EXOC1: variants seen among roughly 807,000 people sequenced by gnomAD.
The protein encoded by EXOC1 is SEC3-like 1.
EXOC1 carries 67 observed loss-of-function variants against 107.7 expected under a neutral mutation model. That is an observed-to-expected ratio of 0.62 (90% CI 0.51 to 0.76). The LOEUF (loss-of-function observed/expected upper bound fraction) is 0.76, where lower values mean the gene tolerates loss of function less well. Ranked by LOEUF, EXOC1 falls within the 30% of genes least tolerant of loss-of-function variation. The pLI, the probability that EXOC1 is intolerant of heterozygous loss-of-function variation, is 0.00. For missense variants in EXOC1, 833 were observed against 1,055.7 expected (o/e 0.79, Z 2.92); for synonymous variants, 348 against 353.5 (o/e 0.98, Z 0.17).
At chr4:55,903,282 T>TA (rs1470248122) in intron 18 of EXOC1, among the ~76,000 whole-genome samples, 12 of 152,016 alleles carry the variant, frequency 7.9e-5, no homozygotes, top group African/African-American at 2.7e-4. Context: ...AAGTCCAAAT[T>TA]AGGCCATTAT....
intron 16 of EXOC1, among the ~76,000 whole-genome samples, chr4:55,897,251 C>G (rs1250289821): frequency 6.6e-6 from 1 of 151,756 alleles, no homozygotes; most frequent in Non-Finnish European, 1.5e-5. Flanking sequence ...CTCACCCTCC[C>G]AAGTAGCTGG....
chr4:55,895,359 A>G (rs1249191226), intron 15 of EXOC1, among the ~76,000 whole-genome samples: 2 of 152,214 alleles, frequency 1.3e-5, no homozygotes, highest in East Asian at 1.9e-4. Flanking sequence ...GTTAAAAAAT[A>G]TGGATCTTGT....
chr4:55,877,485 A>G, intron 8 of EXOC1: 1 of 985,032 alleles, frequency 1.0e-6, no homozygotes, highest in Non-Finnish European at 1.2e-6. Flanking sequence ...TGTTGTTTTA[A>G]ATATTACAAA....
rs144392531 is a variant in EXOC1 at position 55,871,740 on chromosome 4, C to T, written c.965-109C>T. The T allele has an allele frequency of 1.8e-4, 149 of 833,692 alleles. No individual in the cohort carries two copies. The East Asian group carries it at 2.4e-3, about 13-fold the overall frequency. 51.6% of individuals were successfully genotyped at this position (833,692 alleles called of 1,614,324 possible). Reference sequence around the variant, plus strand: ...CTTTTATCATGTAAATGAATACACCCATAAAACTTTTGGGTTCTTCAAAAC... The same window carrying T: ...CTTTTATCATGTAAATGAATACACCTATAAAACTTTTGGGTTCTTCAAAAC... On this transcript the variant is annotated intron_variant, in intron 7 of 18. Coordinates refer to ENST00000381295, the MANE Select transcript of EXOC1 (RefSeq NM_001024924.2).
At chr4:55,857,178 T>TC (rs1721066125) in intron 1 of EXOC1, among the ~76,000 whole-genome samples, 1 of 115,036 alleles carries the variant, frequency 8.7e-6, no homozygotes, top group African/African-American at 3.6e-5. Context: ...CTTTTTTTTT[T>TC]TTTTTTTTTT....
At position 55,876,760 on chromosome 4, in the gene EXOC1, T is replaced by C. The variant is rs112678445; in HGVS notation, c.1075-1157T>C. Reference sequence around the variant, plus strand: ...ATATCAGTAAGATGAATCTGAGAAGTGTATTGGTTGTTTTCTACCATTTTA... The same window carrying C: ...ATATCAGTAAGATGAATCTGAGAAGCGTATTGGTTGTTTTCTACCATTTTA... On this transcript the variant is annotated intron_variant, in intron 8 of 18. Transcript: ENST00000381295. 561 of 985,336 alleles carry C rather than the reference T, an allele frequency of 5.7e-4. 4 individuals are homozygous for C. The African/African-American group carries it at 6.5e-3, about 11-fold the overall frequency. 61.0% of individuals were successfully genotyped at this position (985,336 alleles called of 1,614,324 possible). A position where few individuals can be genotyped will look rare whatever the true frequency, so the allele number is the denominator to read the frequency against.
chr4:55,898,486 G>T (rs200701940), intron 16 of EXOC1, among the ~76,000 whole-genome samples: 1 of 95,594 alleles, frequency 1.0e-5, no homozygotes, highest in South Asian at 3.0e-4. Flanking sequence ...CATTGTTATT[G>T]AAGTGCTAGC....
At chr4:55,903,036 C>T (rs182405942) in intron 18 of EXOC1, among the ~76,000 whole-genome samples, 6 of 151,328 alleles carry the variant, frequency 4.0e-5, no homozygotes, top group Non-Finnish European at 5.9e-5. Flanking sequence ...CCCAGCTACT[C>T]GGGAAGCTGA....
chr4:55,876,978 A>C, intron 8 of EXOC1: 3 of 985,112 alleles, frequency 3.0e-6, no homozygotes, highest in Non-Finnish European at 3.6e-6. Context: ...TTACCAAGGA[A>C]CTCCTCATTT....
At chr4:55,891,096 T>C (rs1158733557) in intron 12 of EXOC1, among the ~76,000 whole-genome samples, 2 of 152,212 alleles carry the variant, frequency 1.3e-5, no homozygotes, top group Non-Finnish European at 2.9e-5. Context: ...CTGTGAGTTT[T>C]ATTTTAGGTT....
At position 55,892,678 on chromosome 4, in the gene EXOC1, A is replaced by G. The variant is rs752429412; in HGVS notation, c.1691A>G (p.His564Arg). 1.2e-6 allele frequency: 2 copies of G among 1,614,148 alleles called. No homozygotes were observed. The highest frequency in any genetic ancestry group is 1.7e-6 in the Non-Finnish European group (2 of 1,180,004). Residue 564 changes from histidine (H) to arginine (R), a missense_variant, in exon 14 of 19, where the codon CAT becomes CGT. Around this residue, in one of 2 missense-constraint regions of EXOC1, gnomAD observed 617 missense variants for 701.3 expected, o/e 0.88. Coordinates refer to ENST00000381295, the MANE Select transcript of EXOC1 (RefSeq NM_001024924.2). ...GATGGAGGAACATTATCACGGCAAC[A>G]TAATTGTGGCACACCACTGCCTGTT... ...DLDGGTLSRQHNCGTPLPVSS... is the reference protein window; with the variant it reads ...DLDGGTLSRQRNCGTPLPVSS...
Position 55,904,533 on chromosome 4 carries a change from T to A in EXOC1, c.*38T>A, listed in dbSNP as rs754059149. The A allele has an allele frequency of 1.3e-6, 2 of 1,584,232 alleles. No homozygotes were observed. The highest frequency in any genetic ancestry group is 1.2e-5 in the South Asian group (1 of 86,098). On this transcript the variant is annotated 3_prime_UTR_variant, in exon 19 of 19. Coordinates refer to ENST00000381295, the MANE Select transcript of EXOC1 (RefSeq NM_001024924.2). The stretch of plus-strand genomic sequence containing the variant: ...AAGAAAAGATAACTGAATGAAGCAT[T>A]TGAGTATAACAGACACTATACCAAA...
At chr4:55,862,615 A>G (rs116750220) in intron 3 of EXOC1, among the ~76,000 whole-genome samples, 2,126 of 152,234 alleles carry the variant, frequency 0.014, 15 homozygotes, top group Middle Eastern at 0.044. Context: ...TGACGCTTCA[A>G]TTCTGTTTAT....
intron 13 of EXOC1, 23 bp downstream of exon 13, chr4:55,891,445 G>A: frequency 2.0e-6 from 3 of 1,465,102 alleles, no homozygotes; most frequent in Non-Finnish European, 2.9e-6. Flanking sequence ...GTGTATTTTG[G>A]ATAGTATTTA....
intron 3 of EXOC1, among the ~76,000 whole-genome samples, chr4:55,862,814 T>C (rs535603944): frequency 6.6e-6 from 1 of 152,196 alleles, no homozygotes; most frequent in Non-Finnish European, 1.5e-5. Flanking sequence ...TTATTATTCT[T>C]TTACCCTGTA....
At chr4:55,882,824 T>C (rs1160595536) in intron 9 of EXOC1, 4 of 152,136 alleles carry the variant, frequency 2.6e-5, no homozygotes, top group Non-Finnish European at 5.9e-5. Flanking sequence ...TGAAATAATA[T>C]AGGAAATTGA....
chr4:55,854,752 A>G (rs1720803490), intron 1 of EXOC1, among the ~76,000 whole-genome samples: 2 of 152,184 alleles, frequency 1.3e-5, no homozygotes, highest in Admixed American at 6.5e-5. Flanking sequence ...TTTTAGCCAG[A>G]GAAGGAGTAT....
chr4:55,883,824 A>T lies in EXOC1; in HGVS notation c.1226A>T (p.Asn409Ile). Residue 409 changes from asparagine (N) to isoleucine (I), a missense_variant and splice_region_variant, in exon 10 of 19, where the codon AAT becomes ATT. Transcript: ENST00000381295. ...DYGKYEGLTKNYMDYLSRLYE... is the reference protein window; with the variant it reads ...DYGKYEGLTKIYMDYLSRLYE... ...AGTACATGTTACTTTTATTTTAAGA[A>T]TTACATGGATTATTTATCCCGACTA... 1 of 1,556,916 alleles carries T rather than the reference A, an allele frequency of 6.4e-7. No individual in the cohort carries two copies. Among genetic ancestry groups the T allele is most frequent in the Non-Finnish European group, 8.7e-7 (1 of 1,146,662 alleles).
intron 8 of EXOC1, chr4:55,875,977 T>C (rs1219090232): frequency 1.0e-6 from 1 of 958,570 alleles, no homozygotes; most frequent in African/African-American, 1.8e-5. Flanking sequence ...TATCTATATC[T>C]GGCTAGTATC....
Sources: allele counts gnomAD v4.1 joint callset (sites outside exome capture counted in the v4.1 genomes callset), GRCh38; gene constraint gnomAD v4.1.1; regional missense constraint gnomAD v4.1.1; transcripts MANE v1.5; gene names NCBI Gene and HGNC (gene_info 2026-07-23, HGNC 2026-07-21).